Variants in NRXN2 observed in about 807,000 individuals in gnomAD.
NRXN2 encodes the protein neurexin-2-beta.
In NRXN2, 29 loss-of-function variants were observed where a neutral mutation model predicts 128.8. The ratio of observed to expected loss-of-function variants is 0.23; its 90% CI spans 0.17 to 0.31. NRXN2 has a LOEUF of 0.31. NRXN2 is among the 10% of genes least tolerant of loss of function. The pLI is 1.00. For synonymous variants in NRXN2, 1,098 were observed against 1,075.2 expected (o/e 1.02, Z -0.41); for missense variants, 1,881 against 2,452.6 (o/e 0.77, Z 4.92).
chr11:64,697,548 AG>A (rs1353067794), intron 3 of NRXN2, among the ~76,000 whole-genome samples: 2 of 151,648 alleles, frequency 1.3e-5, no homozygotes, highest in Non-Finnish European at 1.5e-5. Flanking sequence ...TCCAGCGTGG[AG>A]AGGGAAAGGA....
chr11:64,678,552 A>C (rs1234159529), intron 6 of NRXN2, among the ~76,000 whole-genome samples: 1 of 152,132 alleles, frequency 6.6e-6, no homozygotes, highest in African/African-American at 2.4e-5. Context: ...AAAATCCCTG[A>C]CTTTTCCCTA....
At chr11:64,684,473 C>A (rs1267027293) in intron 6 of NRXN2, among the ~76,000 whole-genome samples, 1 of 152,130 alleles carries the variant, frequency 6.6e-6, no homozygotes, top group Non-Finnish European at 1.5e-5. Context: ...AGCCCGGCTG[C>A]AACAGGTAGT....
intron 2 of NRXN2, among the ~76,000 whole-genome samples, chr11:64,702,002 G>A (rs1423663765): frequency 2.2e-5 from 3 of 136,714 alleles, no homozygotes; most frequent in Non-Finnish European, 4.7e-5. Flanking sequence ...GGAGGGAGGT[G>A]GGGGGGGTCA....
At chr11:64,685,189 G>A (rs1479173566) in intron 6 of NRXN2, among the ~76,000 whole-genome samples, 1 of 152,120 alleles carries the variant, frequency 6.6e-6, no homozygotes, top group Non-Finnish European at 1.5e-5. Flanking sequence ...TGCTGCCCTA[G>A]TGTTGGGACA....
At chr11:64,644,044 C>T (rs1411745541) in intron 17 of NRXN2, among the ~76,000 whole-genome samples, 4 of 152,074 alleles carry the variant, frequency 2.6e-5, no homozygotes, top group Non-Finnish European at 5.9e-5. Context: ...GGTAGGCACA[C>T]AGGCTCAGAC....
At chr11:64,702,990 A>AAAAAG (rs2055717877) in intron 2 of NRXN2, among the ~76,000 whole-genome samples, 1 of 150,428 alleles carries the variant, frequency 6.6e-6, no homozygotes, top group African/African-American at 2.4e-5. Flanking sequence ...AAAAAAAAAA[A>AAAAAG]AAAAGAAAGA....
At position 64,614,972 on chromosome 11, in the gene NRXN2, C is replaced by T. The variant is rs916088433; in HGVS notation, c.4252+5322G>A. 7.9e-5 allele frequency among the ~76,000 whole-genome samples: 12 copies of T among 152,280 alleles called. No individual in the cohort carries two copies. The South Asian group carries it at 2.1e-3, about 26-fold the overall frequency. On this transcript the variant is annotated intron_variant, in intron 22 of 22. Transcript: ENST00000265459. ...GTCCTGGAGGTGAGAAAGAGTGAAA[C>T]GGATCCTTGATGACCACAGGCAAGC... is the stretch of plus-strand genomic sequence containing the variant.
intron 2 of NRXN2, among the ~76,000 whole-genome samples, chr11:64,703,539 T>C (rs953081379): frequency 6.6e-6 from 1 of 152,226 alleles, no homozygotes; most frequent in African/African-American, 2.4e-5. Flanking sequence ...TCAAGACTTC[T>C]AGAAACTGAT....
chr11:64,656,514 A>T (rs533418475), intron 11 of NRXN2, among the ~76,000 whole-genome samples: 1 of 152,244 alleles, frequency 6.6e-6, no homozygotes, highest in African/African-American at 2.4e-5. Context: ...TCCCACTGGT[A>T]GGGAGTGTAT....
At chr11:64,682,326 G>C (rs1317444603) in intron 6 of NRXN2, among the ~76,000 whole-genome samples, 1 of 150,010 alleles carries the variant, frequency 6.7e-6, no homozygotes, top group Non-Finnish European at 1.5e-5. Context: ...CTTGGGGACT[G>C]CATCTTTAGG....
intron 5 of NRXN2, chr11:64,688,324 A>G: frequency 1.7e-5 from 17 of 985,478 alleles, no homozygotes; most frequent in Non-Finnish European, 2.0e-5. Flanking sequence ...AGAGACGCCA[A>G]GAGGCCTGAG....
Position 64,667,633 on chromosome 11 carries a change from C to T in NRXN2, c.1415G>A (p.Gly472Glu), listed in dbSNP as rs773230592. 6.2e-7 allele frequency: 1 copy of T among 1,614,228 alleles called. No homozygotes were observed. The highest frequency in any genetic ancestry group is 1.7e-5 in the Admixed American group (1 of 60,030). ...KLELSRLAKE[G>E]DPKMKLQGDL... ...CCCCTGCAGCTTCATCTTGGGGTCC[C>T]CTTCCTTTGCCAGGCGGGATAGTTC... The change falls in exon 9 of 23, where the codon GGG becomes GAG. Residue 472 changes from glycine to glutamate, a missense_variant. Around this residue, in one of 7 missense-constraint regions of NRXN2, gnomAD observed 997 missense variants for 1,240.8 expected, o/e 0.80. Transcript: ENST00000265459. This position sits in a 1 kb window ranked among gnomAD's most constrained non-coding sequence, Gnocchi z 5.6.
At chr11:64,692,414 T>C (rs756930818) in intron 4 of NRXN2, among the ~76,000 whole-genome samples, 1 of 152,076 alleles carries the variant, frequency 6.6e-6, no homozygotes, top group Non-Finnish European at 1.5e-5. Flanking sequence ...CCCATGCTTT[T>C]CTCTTGTTAC....
At chr11:64,647,425 G>A (rs866694988) in intron 17 of NRXN2, among the ~76,000 whole-genome samples, 7 of 152,034 alleles carry the variant, frequency 4.6e-5, no homozygotes, top group Admixed American at 1.3e-4. Context: ...TTGCCTCCCC[G>A]CCATTCCTGC....
chr11:64,651,753 G>T lies in NRXN2; in HGVS notation c.2537-117C>A, dbSNP rs2047485611. On this transcript the variant is annotated intron_variant, in intron 13 of 22. Coordinates refer to ENST00000265459, the MANE Select transcript of NRXN2 (RefSeq NM_015080.4). This position sits in a 1 kb window ranked among gnomAD's most constrained non-coding sequence, Gnocchi z 5.9. ...ACCCATGAGTGACATCTTTAGAGATGTCCTCGGCTAGGCACTAGCAGCCAG... is the reference window on the plus strand; with the variant it reads ...ACCCATGAGTGACATCTTTAGAGATTTCCTCGGCTAGGCACTAGCAGCCAG... 1 of 1,199,082 alleles carries T rather than the reference G, an allele frequency of 8.3e-7. No individual in the cohort carries two copies. The highest frequency in any genetic ancestry group is 1.2e-6 in the Non-Finnish European group (1 of 840,710). The allele number at this position is 1,199,082 out of a possible 1,614,324, so 74.3% of individuals were successfully genotyped here. A position where few individuals can be genotyped will look rare whatever the true frequency, so the allele number is the denominator to read the frequency against.
At chr11:64,699,431 T>TTC (rs996810583) in intron 2 of NRXN2, among the ~76,000 whole-genome samples, 2 of 135,220 alleles carry the variant, frequency 1.5e-5, no homozygotes, top group African/African-American at 5.6e-5. Context: ...TTTTCTTTTT[T>TTC]TTTTTTTTTT....
chr11:64,673,720 GTGTTTGTT>G lies in NRXN2; in HGVS notation c.1197+3265_1197+3272del, dbSNP rs756986301. On this transcript the variant is annotated intron_variant, in intron 7 of 22. Transcript: ENST00000265459. ...TGTGTGTGTTTGTTTTAGAGATAGG[GTGTTTGTT>G]TGTTTGTTTGTTTTAGAGATGGTGC... 8.5e-5 allele frequency among the ~76,000 whole-genome samples: 13 copies of G among 152,158 alleles called. 1 individual carries two copies. The highest frequency in any genetic ancestry group is 2.0e-4 in the Admixed American group (3 of 15,286).
At position 64,722,961 on chromosome 11, in the gene NRXN2, C is replaced by A. The variant is rs1281518469; in HGVS notation, c.-245+10G>T. The A allele has an allele frequency of 7.3e-5, 10 of 136,134 alleles. No homozygotes were observed. The highest frequency in any genetic ancestry group is 2.2e-4 in the East Asian group (1 of 4,608). The allele number at this position is 136,134 out of a possible 1,614,324, so 8.4% of individuals were successfully genotyped here. On this transcript the variant is annotated intron_variant, in intron 1 of 22. Coordinates refer to ENST00000265459, the MANE Select transcript of NRXN2 (RefSeq NM_015080.4). ...GTCTCCGCCGCAGCGCCCCCCCCCC[C>A]CCATTTTACCTGGTTCTCGGGGCGC...
chr11:64,629,871 C>T (rs1237584755), intron 19 of NRXN2, among the ~76,000 whole-genome samples: 1 of 152,166 alleles, frequency 6.6e-6, no homozygotes, highest in Non-Finnish European at 1.5e-5. Context: ...CGTGGCTACT[C>T]CTCTTCCTTC....
Sources: allele counts gnomAD v4.1 joint callset (sites outside exome capture counted in the v4.1 genomes callset), GRCh38; gene constraint gnomAD v4.1.1; regional missense constraint gnomAD v4.1.1; non-coding constraint Gnocchi (gnomAD v3.1); transcripts MANE v1.5; gene names NCBI Gene and HGNC (gene_info 2026-07-23, HGNC 2026-07-21).